The following NCOA3 variants were observed in gnomAD, a reference collection of about 807,000 sequenced individuals.
NCOA3 encodes the protein CBP-interacting protein.
In NCOA3, 51 loss-of-function variants were observed where a neutral mutation model predicts 158.8. The observed-to-expected ratio is 0.32, with a 90% CI of 0.26 to 0.41. The LOEUF (loss-of-function observed/expected upper bound fraction) is 0.41, where lower values mean the gene tolerates loss of function less well. NCOA3 is among the 10% of genes least tolerant of loss of function. NCOA3 has a pLI of 1.00. For missense variants in NCOA3, 1,510 were observed against 1,746.6 expected, an observed-to-expected ratio of 0.86 and a Z score of 2.41; for synonymous variants, 537 against 592.4, an observed-to-expected ratio of 0.91 and a Z score of 1.36.
intron 9 of NCOA3, 91 bp downstream of exon 9, chr20:47,633,727 A>G: frequency 7.2e-7 from 1 of 1,391,518 alleles, no homozygotes; most frequent in South Asian, 1.4e-5. Context: ...GAACTCCTGG[A>G]TTTAATTGAC....
intron 2 of NCOA3, among the ~76,000 whole-genome samples, chr20:47,620,015 C>T (rs1284353077): frequency 1.3e-5 from 2 of 152,088 alleles, no homozygotes; most frequent in Non-Finnish European, 2.9e-5. Flanking sequence ...AGGCTGGTCT[C>T]GATCTCCTGA....
At chr20:47,634,262 A>C (rs961720427) in intron 10 of NCOA3, 67 bp downstream of exon 10, 1 of 1,487,268 alleles carries the variant, frequency 6.7e-7, no homozygotes, top group Admixed American at 2.0e-5. Context: ...TTTATTATTA[A>C]AGTAAAAAGG....
At chr20:47,527,487 A>G (rs1335127986) in intron 1 of NCOA3, among the ~76,000 whole-genome samples, 1 of 152,094 alleles carries the variant, frequency 6.6e-6, no homozygotes, top group African/African-American at 2.4e-5. Flanking sequence ...GTTTCTGAGT[A>G]TGTATATAGT....
chr20:47,649,697 A>C (rs970239431), intron 19 of NCOA3, among the ~76,000 whole-genome samples: 8 of 152,158 alleles, frequency 5.3e-5, no homozygotes, highest in African/African-American at 1.9e-4. Flanking sequence ...GTTTTTTAAA[A>C]AGCAACTGTG....
intron 2 of NCOA3, among the ~76,000 whole-genome samples, chr20:47,591,817 T>C (rs180671056): frequency 2.6e-5 from 4 of 152,248 alleles, no homozygotes; most frequent in African/African-American, 2.4e-5. Flanking sequence ...GTGGATACTT[T>C]TAAGATTTTC....
Position 47,647,097 on chromosome 20 carries a change from G to A in NCOA3, c.3277G>A (p.Asp1093Asn), listed in dbSNP as rs1323394954. Residue 1093 changes from aspartate to asparagine, a missense_variant, in exon 18 of 23, where the codon GAT (aspartate) becomes AAT (asparagine). Physicochemically the swap from Asp to Asn is conservative, Grantham distance 23. This residue lies in a region of NCOA3 where 1,017 missense variants were observed against 1,098.3 expected (regional missense o/e 0.93). Transcript: ENST00000371998. Reference protein sequence around the residue: ...NQGQALEPKQDAFQGQEAAVM... With the variant: ...NQGQALEPKQNAFQGQEAAVM... The stretch of plus-strand genomic sequence containing the variant: ...GGGACAGGCATTAGAGCCCAAACAG[G>A]ATGCTTTCCAAGGCCAAGAAGCAGC... The A allele has an allele frequency of 6.2e-7, 1 of 1,614,020 alleles. No homozygotes were observed. Among genetic ancestry groups the A allele is most frequent in the East Asian group, 2.2e-5 (1 of 44,880 alleles).
In NCOA3 at chr20:47,635,981, G is replaced by A. The variant is rs1424372976; in HGVS notation, c.1595G>A (p.Gly532Asp). Residue 532 changes from glycine to aspartate, a missense_variant, in exon 12 of 23, where the codon GGT (glycine) becomes GAT (aspartate). Physicochemically the swap from Gly to Asp is moderately conservative, Grantham distance 94. Transcript: ENST00000371998. ...SLSALQAISE[G>D]VGTSLLSTLS... ...AGTGCCCTGCAAGCCATCAGTGAAG[G>A]TGTGGGGACTTCCCTTTTATCTACT... The A allele has an allele frequency of 6.2e-7, 1 of 1,614,018 alleles. No individual in the cohort carries two copies. Among genetic ancestry groups the A allele is most frequent in the Non-Finnish European group, 8.5e-7 (1 of 1,179,954 alleles).
rs1226492145 is a variant in NCOA3, at chr20:47,649,243, T to TTAAAGACTTTCGACTC, written c.3651+136_3651+151dup. ...TTTCTTGTGTAAGAAAGCAGTCGCA[T>TTAAAGACTTTCGACTC]TAAAGACTTTCGACTCTTCCATTCT... On this transcript the variant is annotated intron_variant, in intron 19 of 22. Coordinates refer to ENST00000371998, the MANE Select transcript of NCOA3 (RefSeq NM_181659.3). The TTAAAGACTTTCGACTC allele has an allele frequency of 5.5e-6, 3 of 545,714 alleles. No homozygotes were observed. The African/African-American group carries it at 5.8e-5, about 10-fold the overall frequency. 33.8% of individuals were successfully genotyped at this position (545,714 alleles called of 1,614,324 possible). A position where few individuals can be genotyped will look rare whatever the true frequency, so the allele number is the denominator to read the frequency against.
intron 1 of NCOA3, among the ~76,000 whole-genome samples, chr20:47,545,464 A>G (rs2084813297): frequency 1.3e-5 from 2 of 152,114 alleles, no homozygotes; most frequent in African/African-American, 4.8e-5. Flanking sequence ...GGCGTGAGCC[A>G]CTGCGCCTGG....
At chr20:47,650,868 A>C in intron 19 of NCOA3, 114 bp from the exon 20 acceptor site, 1 of 924,552 alleles carries the variant, frequency 1.1e-6, no homozygotes. Flanking sequence ...GTTAAAAAAA[A>C]GAAGGCCCTG....
chr20:47,604,280 T>C (rs993002876), intron 2 of NCOA3, among the ~76,000 whole-genome samples: 2 of 152,192 alleles, frequency 1.3e-5, no homozygotes, highest in African/African-American at 4.8e-5. Flanking sequence ...GAAATTGAGC[T>C]TCAGAGATGT....
intron 1 of NCOA3, among the ~76,000 whole-genome samples, chr20:47,529,137 CTTTT>C (rs962146166): frequency 7.1e-6 from 1 of 141,386 alleles, no homozygotes. Flanking sequence ...AATTTTTTTT[CTTTT>C]TTTTTTTTTG....
chr20:47,602,895 T>C (rs2085885108), intron 2 of NCOA3, among the ~76,000 whole-genome samples: 1 of 152,196 alleles, frequency 6.6e-6, no homozygotes, highest in Non-Finnish European at 1.5e-5. Flanking sequence ...AGCCATCTTA[T>C]TAAGAGTGAT....
chr20:47,569,837 C>T (rs867058034), intron 1 of NCOA3, among the ~76,000 whole-genome samples: 9 of 152,026 alleles, frequency 5.9e-5, no homozygotes, highest in Middle Eastern at 3.4e-3. Context: ...GGTGAAACCC[C>T]GTCTCTACTA....
intron 1 of NCOA3, among the ~76,000 whole-genome samples, chr20:47,558,820 C>CTTTT (rs56997127): frequency 2.6e-5 from 3 of 114,508 alleles, no homozygotes; most frequent in Admixed American, 1.0e-4. Context: ...ACTTTTTTCA[C>CTTTT]TTTTTTTTTT....
chr20:47,550,619 C>G (rs2084914267), intron 1 of NCOA3, among the ~76,000 whole-genome samples: 1 of 152,062 alleles, frequency 6.6e-6, no homozygotes, highest in South Asian at 2.1e-4. Flanking sequence ...AAATTGCTCT[C>G]TGAGAGATCA....
chr20:47,582,151 A>G (rs545301908), intron 1 of NCOA3, among the ~76,000 whole-genome samples: 33 of 152,120 alleles, frequency 2.2e-4, no homozygotes, highest in Admixed American at 5.9e-4. Flanking sequence ...CATTTTTACA[A>G]ACTGTGACAG....
chr20:47,633,677 T>C, intron 9 of NCOA3, 41 bp downstream of exon 9: 1 of 1,590,802 alleles, frequency 6.3e-7, no homozygotes, highest in East Asian at 2.2e-5. Flanking sequence ...CATTTTATTC[T>C]TTAGAGACAG....
At chr20:47,561,654 G>C (rs571572116) in intron 1 of NCOA3, among the ~76,000 whole-genome samples, 1 of 152,046 alleles carries the variant, frequency 6.6e-6, no homozygotes, top group African/African-American at 2.4e-5. Context: ...TAAGGTTATA[G>C]GAAAATGGAG....
Sources: allele counts gnomAD v4.1 joint callset (sites outside exome capture counted in the v4.1 genomes callset), GRCh38; gene constraint gnomAD v4.1.1; regional missense constraint gnomAD v4.1.1; transcripts MANE v1.5; gene names NCBI Gene and HGNC (gene_info 2026-07-23, HGNC 2026-07-21).